NRP2: variants seen among roughly 807,000 people sequenced by gnomAD.
NRP2 encodes the protein neuropilin-2.
A neutral mutation model predicts 110.4 loss-of-function variants in NRP2; 52 were observed. The observed-to-expected ratio is 0.47, with a 90% CI of 0.38 to 0.59. The LOEUF (loss-of-function observed/expected upper bound fraction) is 0.59. NRP2 is among the 20% of genes least tolerant of loss of function. The pLI is 0.00. For synonymous variants in NRP2, 508 were observed against 468.9 expected (o/e 1.08, Z -1.08); for missense variants, 1,049 against 1,203.0 (o/e 0.87, Z 1.89).
intron 15 of NRP2, among the ~76,000 whole-genome samples, chr2:205,786,095 A>T (rs1006448916): frequency 1.3e-5 from 2 of 152,184 alleles, no homozygotes; most frequent in Non-Finnish European, 2.9e-5. Context: ...AACAGAGGAG[A>T]TTTGGCAAAG....
intron 7 of NRP2, among the ~76,000 whole-genome samples, chr2:205,737,188 C>T (rs989452466): frequency 4.6e-5 from 7 of 152,192 alleles, no homozygotes; most frequent in African/African-American, 1.4e-4. Flanking sequence ...GTGAATGGGG[C>T]ACTCCCCATG....
intron 9 of NRP2, among the ~76,000 whole-genome samples, chr2:205,744,588 C>A (rs1260131761): frequency 6.6e-6 from 1 of 152,190 alleles, no homozygotes; most frequent in African/African-American, 2.4e-5. Context: ...TGTCCCTCCC[C>A]AGATCAGTCT....
intron 12 of NRP2, among the ~76,000 whole-genome samples, chr2:205,755,972 G>A (rs575532488): frequency 1.3e-5 from 2 of 151,930 alleles, no homozygotes; most frequent in Admixed American, 6.6e-5. Flanking sequence ...TACATTCCTC[G>A]GATATTTTCT....
At chr2:205,758,060 T>G (rs937127909) in intron 12 of NRP2, among the ~76,000 whole-genome samples, 1 of 152,178 alleles carries the variant, frequency 6.6e-6, no homozygotes, top group African/African-American at 2.4e-5. Flanking sequence ...GGGCTAGGAC[T>G]GAAACCTTCA....
intron 13 of NRP2, chr2:205,764,294 C>G (rs1261701183): frequency 3.5e-6 from 1 of 288,302 alleles, no homozygotes; most frequent in Non-Finnish European, 6.6e-6. Flanking sequence ...GGAGCCCCTT[C>G]AGATCTGGGG....
At chr2:205,689,233 C>A (rs181830917) in intron 1 of NRP2, among the ~76,000 whole-genome samples, 1 of 152,368 alleles carries the variant, frequency 6.6e-6, no homozygotes. Context: ...AACATGGGAA[C>A]TAGACTGCCT....
intron 1 of NRP2, among the ~76,000 whole-genome samples, chr2:205,688,925 T>A (rs553233225): frequency 1.7e-4 from 26 of 152,208 alleles, no homozygotes; most frequent in African/African-American, 5.5e-4. Context: ...TTCCTATCCA[T>A]CACCCGCCCT....
intron 15 of NRP2, among the ~76,000 whole-genome samples, chr2:205,769,384 G>C (rs530062980): frequency 6.6e-6 from 1 of 152,072 alleles, no homozygotes; most frequent in Non-Finnish European, 1.5e-5. Context: ...TTAGATGGTC[G>C]CAATCTTTTA....
chr2:205,688,693 G>A (rs1412019238), intron 1 of NRP2, among the ~76,000 whole-genome samples: 1 of 152,154 alleles, frequency 6.6e-6, no homozygotes, highest in Non-Finnish European at 1.5e-5. Context: ...GCCAAATTAT[G>A]TGACCTTTGG....
chr2:205,683,834 G>A (rs2056077795), intron 1 of NRP2, among the ~76,000 whole-genome samples: 1 of 152,110 alleles, frequency 6.6e-6, no homozygotes, highest in Admixed American at 6.5e-5. Context: ...GTTTAGTTTT[G>A]GTTTTCAGAT....
At chr2:205,692,653 A>G (rs776866579) in intron 1 of NRP2, among the ~76,000 whole-genome samples, 3 of 152,228 alleles carry the variant, frequency 2.0e-5, no homozygotes, top group Non-Finnish European at 4.4e-5. Flanking sequence ...ATGTGATTAA[A>G]GGAGACATTT....
chr2:205,732,563 G>A (rs923974654), intron 7 of NRP2, among the ~76,000 whole-genome samples: 2 of 152,202 alleles, frequency 1.3e-5, no homozygotes, highest in Non-Finnish European at 2.9e-5. Flanking sequence ...GGCTGCTATC[G>A]GCAAAGCACC....
intron 9 of NRP2, chr2:205,743,829 C>T (rs1221767903): frequency 3.4e-5 from 16 of 474,468 alleles, no homozygotes; most frequent in Non-Finnish European, 5.7e-5. Flanking sequence ...CTGCAACCTC[C>T]GCCTCCAGGG....
intron 1 of NRP2, among the ~76,000 whole-genome samples, chr2:205,690,737 G>A (rs1285075261): frequency 6.6e-6 from 1 of 151,958 alleles, no homozygotes; most frequent in Non-Finnish European, 1.5e-5. Context: ...CCGAGATTGT[G>A]CCACTGCACT....
At chr2:205,719,726 G>A (rs535880132) in intron 3 of NRP2, among the ~76,000 whole-genome samples, 7 of 152,284 alleles carry the variant, frequency 4.6e-5, no homozygotes, top group Admixed American at 1.3e-4. Flanking sequence ...CACCTTCTGC[G>A]GGGAAGGCAA....
At chr2:205,759,710 G>A (rs1195066770) in intron 12 of NRP2, 1 of 152,116 alleles carries the variant, frequency 6.6e-6, no homozygotes, top group Non-Finnish European at 1.5e-5. Flanking sequence ...TTTGAGTCTT[G>A]GATTGGCCTT....
chr2:205,763,745 C>G lies in NRP2; in HGVS notation c.2116C>G (p.Pro706Ala), dbSNP rs779250419. ...CCAGTATGCCCGGCTCATCAGCCCC[C>G]CTGTCCACCTGCCCCGAAGCCCGGT... ...EGQYARLISP[P>A]VHLPRSPVCM... The change falls in exon 13 of 17, where the codon CCT (proline) becomes GCT (alanine). Residue 706 changes from proline to alanine, a missense_variant. Physicochemically the swap from Pro to Ala is conservative, Grantham distance 27. Transcript: ENST00000357785. The surrounding 1 kb of genome is among the most constrained non-coding windows in gnomAD (Gnocchi z 4.0). 8.1e-6 allele frequency: 13 copies of G among 1,614,122 alleles called. No homozygotes were observed. The highest frequency in any genetic ancestry group is 6.7e-5 in the East Asian group (3 of 44,888).
At chr2:205,791,246 A>G (rs142242621) in intron 15 of NRP2, among the ~76,000 whole-genome samples, 42 of 152,240 alleles carry the variant, frequency 2.8e-4, no homozygotes, top group African/African-American at 8.2e-4. Flanking sequence ...TTGGATTTCA[A>G]TTTATAGTAG....
intron 7 of NRP2, among the ~76,000 whole-genome samples, chr2:205,736,455 G>T (rs956579352): frequency 5.9e-5 from 9 of 152,300 alleles, no homozygotes; most frequent in African/African-American, 2.2e-4. Flanking sequence ...GCAACCCACC[G>T]ATTTTTCTCA....
Sources: allele counts gnomAD v4.1 joint callset (sites outside exome capture counted in the v4.1 genomes callset), GRCh38; gene constraint gnomAD v4.1.1; non-coding constraint Gnocchi (gnomAD v3.1); transcripts MANE v1.5; gene names NCBI Gene and HGNC (gene_info 2026-07-23, HGNC 2026-07-21).